ZNF407: variants seen among roughly 807,000 people sequenced by gnomAD.
ZNF407 encodes zinc finger protein 407.
ZNF407 carries 17 observed loss-of-function variants against 131.2 expected under a neutral mutation model. That is an observed-to-expected ratio of 0.13 (90% CI 0.09 to 0.19). ZNF407 has a LOEUF of 0.19. Among genes scored for constraint, ZNF407 ranks in the 10% least tolerant of loss-of-function variants. ZNF407 has a pLI of 1.00. For synonymous variants in ZNF407, 1,156 were observed against 1,062.0 expected, an observed-to-expected ratio of 1.09 and a Z score of -1.72; for missense variants, 2,681 against 2,830.6, an observed-to-expected ratio of 0.95 and a Z score of 1.20.
chr18:75,019,743 A>G (rs1195776224), intron 8 of ZNF407, among the ~76,000 whole-genome samples: 1 of 152,178 alleles, frequency 6.6e-6, no homozygotes, highest in African/African-American at 2.4e-5. Context: ...CAGGCTGCAC[A>G]GGAGGCATGG....
At chr18:74,902,215 G>A (rs1971535246) in intron 7 of ZNF407, among the ~76,000 whole-genome samples, 1 of 152,208 alleles carries the variant, frequency 6.6e-6, no homozygotes, top group Non-Finnish European at 1.5e-5. Context: ...CCTGCGTGGA[G>A]GTTTTGATAG....
intron 8 of ZNF407, among the ~76,000 whole-genome samples, chr18:74,969,440 G>A (rs768142556): frequency 6.6e-6 from 1 of 152,308 alleles, no homozygotes; most frequent in East Asian, 1.9e-4. Context: ...GTGGACCATA[G>A]CCTAATGTTA....
At chr18:74,714,822 TG>T (rs893891893) in intron 3 of ZNF407, among the ~76,000 whole-genome samples, 9 of 152,300 alleles carry the variant, frequency 5.9e-5, no homozygotes, top group Admixed American at 5.2e-4. Context: ...TCAGATTTCT[TG>T]GGGGGTAGAA....
At chr18:75,045,109 C>T in intron 8 of ZNF407, among the ~76,000 whole-genome samples, 2 of 127,818 alleles carry the variant, frequency 1.6e-5, no homozygotes, top group Non-Finnish European at 3.3e-5. Flanking sequence ...GGTGTGTGTG[C>T]TTGGGTGTGG....
At chr18:74,727,771 G>T (rs979984101) in intron 3 of ZNF407, among the ~76,000 whole-genome samples, 8 of 152,214 alleles carry the variant, frequency 5.3e-5, no homozygotes, top group Admixed American at 5.2e-4. Flanking sequence ...AGGTGATGGG[G>T]TTATTGAAAG....
intron 8 of ZNF407, among the ~76,000 whole-genome samples, chr18:74,964,173 G>A (rs1972381964): frequency 6.6e-6 from 1 of 152,176 alleles, no homozygotes. Context: ...TCCCACTGTC[G>A]TGTACATGGA....
intron 3 of ZNF407, among the ~76,000 whole-genome samples, chr18:74,710,864 T>C (rs1364205418): frequency 6.6e-6 from 1 of 152,238 alleles, no homozygotes; most frequent in Non-Finnish European, 1.5e-5. Flanking sequence ...GCAGTGAATC[T>C]GAATGGAGAA....
intron 3 of ZNF407, among the ~76,000 whole-genome samples, chr18:74,647,264 G>A (rs1313795486): frequency 6.6e-6 from 1 of 152,058 alleles, no homozygotes; most frequent in Non-Finnish European, 1.5e-5. Context: ...GCAACATAGG[G>A]AGACCCTGTC....
intron 3 of ZNF407, among the ~76,000 whole-genome samples, chr18:74,672,545 T>C (rs537078076): frequency 4.6e-5 from 7 of 151,290 alleles, no homozygotes; most frequent in East Asian, 1.9e-4. Flanking sequence ...ATTGGAGCAC[T>C]GTTTGTTCAT....
chr18:74,828,430 G>T (rs1312283041), intron 4 of ZNF407, among the ~76,000 whole-genome samples: 1 of 152,172 alleles, frequency 6.6e-6, no homozygotes, highest in Non-Finnish European at 1.5e-5. Flanking sequence ...ACTCTCCTGG[G>T]AGGCAAGGGT....
In ZNF407 at chr18:74,720,015, G is replaced by A. The variant is rs375658452; in HGVS notation, c.4803-61413G>A. On this transcript the variant is annotated intron_variant, in intron 3 of 8. Transcript: ENST00000299687. The stretch of plus-strand genomic sequence containing the variant: ...TTCCTTTCCTTTGGATGAATGTCCA[G>A]CAGTGGGATTGCTGCATCGCATGGT... Among the ~76,000 whole-genome samples, 21 of 152,264 alleles carry A rather than the reference G, an allele frequency of 1.4e-4. No homozygotes were observed. The East Asian group carries it at 3.9e-3, about 28-fold the overall frequency.
chr18:74,769,676 T>C (rs1046639545), intron 3 of ZNF407, among the ~76,000 whole-genome samples: 1 of 152,244 alleles, frequency 6.6e-6, no homozygotes, highest in Admixed American at 6.5e-5. Flanking sequence ...CAAGGCCATG[T>C]TGGCCTAGAC....
At chr18:74,853,249 G>C (rs1421132379) in intron 4 of ZNF407, among the ~76,000 whole-genome samples, 2 of 152,252 alleles carry the variant, frequency 1.3e-5, no homozygotes, top group African/African-American at 4.8e-5. Context: ...TGTGATTTCT[G>C]AGCATACTTC....
chr18:74,602,644 G>A (rs1273138502), intron 1 of ZNF407, among the ~76,000 whole-genome samples: 1 of 152,116 alleles, frequency 6.6e-6, no homozygotes, highest in Non-Finnish European at 1.5e-5. Context: ...CTCAAATTTA[G>A]GATAAATAGC....
chr18:74,942,324 G>A (rs2145269320), intron 8 of ZNF407, among the ~76,000 whole-genome samples: 2 of 152,246 alleles, frequency 1.3e-5, no homozygotes, highest in Admixed American at 1.3e-4. Flanking sequence ...CTTTATCTTG[G>A]ATGATCTGGC....
At chr18:74,875,918 G>A (rs1197287402) in intron 4 of ZNF407, among the ~76,000 whole-genome samples, 3 of 151,942 alleles carry the variant, frequency 2.0e-5, no homozygotes, top group Non-Finnish European at 2.9e-5. Flanking sequence ...TAACTAAATA[G>A]AATAAAAGAT....
intron 3 of ZNF407, among the ~76,000 whole-genome samples, chr18:74,721,197 G>A (rs561604310): frequency 1.3e-5 from 2 of 152,050 alleles, no homozygotes; most frequent in African/African-American, 4.8e-5. Flanking sequence ...TCCTTGTAGA[G>A]GTCTTTCACC....
At chr18:74,900,298 A>G (rs1327048668) in intron 7 of ZNF407, among the ~76,000 whole-genome samples, 1 of 152,054 alleles carries the variant, frequency 6.6e-6, no homozygotes, top group Non-Finnish European at 1.5e-5. Context: ...CTTCCCTGTC[A>G]TTTCATGTGG....
chr18:74,627,808 CTCTTT>C (rs761647397), intron 1 of ZNF407, among the ~76,000 whole-genome samples: 18,995 of 135,938 alleles, frequency 0.14, 1,487 homozygotes, highest in African/African-American at 0.22. Context: ...CTCTCTTTCT[CTCTTT>C]CTGCCCTGCC....
Sources: allele counts gnomAD v4.1 joint callset (sites outside exome capture counted in the v4.1 genomes callset), GRCh38; gene constraint gnomAD v4.1.1; transcripts MANE v1.5; gene names NCBI Gene and HGNC (gene_info 2026-07-23, HGNC 2026-07-21).